SUGCT: variants seen among roughly 807,000 people sequenced by gnomAD.
The protein encoded by SUGCT is succinyl-CoA:glutarate-CoA transferase.
Under a neutral mutation model 55.0 loss-of-function variants are expected in SUGCT, and 41 were observed. The observed-to-expected ratio is 0.74, with a 90% CI of 0.58 to 0.97. SUGCT has a LOEUF of 0.97. Among genes scored for constraint, SUGCT ranks in the 50% least tolerant of loss-of-function variants. The pLI is 0.00. For missense variants in SUGCT, 568 were observed against 547.8 expected, an observed-to-expected ratio of 1.04 and a Z score of -0.37; for synonymous variants, 187 against 200.4, an observed-to-expected ratio of 0.93 and a Z score of 0.56.
At chr7:40,552,087 G>A (rs1041674889) in intron 12 of SUGCT, among the ~76,000 whole-genome samples, 1 of 152,098 alleles carries the variant, frequency 6.6e-6, no homozygotes, top group Admixed American at 6.5e-5. Flanking sequence ...CATTCCCCAC[G>A]TCACAGCACA....
rs190850366 is a variant in SUGCT at position 40,655,058 on chromosome 7, G to A, written c.1090-94376G>A. On this transcript the variant is annotated intron_variant, in intron 12 of 13. Coordinates refer to ENST00000335693, the MANE Select transcript of SUGCT (RefSeq NM_001193313.2). ...ATTATAGGCAATATCACTTTTGGAG[G>A]CTGAGGCGGGGCATCATTTGAGCTC... Among the ~76,000 whole-genome samples the A allele has an allele frequency of 1.0e-3, 157 of 152,248 alleles. 1 individual carries two copies. Among genetic ancestry groups the A allele is most frequent in the African/African-American group, 3.6e-3 (151 of 41,542 alleles).
chr7:40,751,997 CTTTAA>C (rs1485260813), intron 13 of SUGCT, among the ~76,000 whole-genome samples: 2 of 152,174 alleles, frequency 1.3e-5, no homozygotes, highest in East Asian at 1.9e-4. Flanking sequence ...CTTTTGCCCA[CTTTAA>C]TTTATCAATG....
rs189536443 is a variant in SUGCT at position 40,671,850 on chromosome 7, A to G, written c.1090-77584A>G. 1.8e-4 allele frequency among the ~76,000 whole-genome samples: 28 copies of G among 152,296 alleles called. No homozygotes were observed. The East Asian group carries it at 4.0e-3, about 22-fold the overall frequency. On this transcript the variant is annotated intron_variant, in intron 12 of 13. Coordinates refer to ENST00000335693, the MANE Select transcript of SUGCT (RefSeq NM_001193313.2). ...TAAACAAGCTTATTCTAAATGTTTTATTTAGAGGCAAAGGATCTAGTCCAG... is the reference window on the plus strand; with the variant it reads ...TAAACAAGCTTATTCTAAATGTTTTGTTTAGAGGCAAAGGATCTAGTCCAG...
At chr7:40,898,378 A>C in the SUGCT span, among the ~76,000 whole-genome samples, 5 of 151,362 alleles carry the variant, frequency 3.3e-5, no homozygotes, top group African/African-American at 9.7e-5. Flanking sequence ...CAAGAGCACG[A>C]ACCCACCAGA....
chr7:40,664,496 G>C (rs922604233), intron 12 of SUGCT, among the ~76,000 whole-genome samples: 6 of 152,106 alleles, frequency 3.9e-5, no homozygotes, highest in Admixed American at 1.3e-4. Flanking sequence ...CTCTGGAAAT[G>C]GATCCTAGGT....
At chr7:40,436,268 A>C (rs1233910863) in intron 9 of SUGCT, among the ~76,000 whole-genome samples, 1 of 151,738 alleles carries the variant, frequency 6.6e-6, no homozygotes, top group Non-Finnish European at 1.5e-5. Context: ...TACTGCACTT[A>C]CTCAAATTTT....
chr7:40,898,731 C>CG, the SUGCT span, among the ~76,000 whole-genome samples: 1 of 151,822 alleles, frequency 6.6e-6, no homozygotes, highest in Non-Finnish European at 1.5e-5. Flanking sequence ...CACGAGGGTA[C>CG]GCGGCTTCAT....
At chr7:40,532,657 T>C (rs939086741) in intron 12 of SUGCT, among the ~76,000 whole-genome samples, 2 of 151,834 alleles carry the variant, frequency 1.3e-5, no homozygotes, top group African/African-American at 2.4e-5. Context: ...CAAGCAAAAA[T>C]TTTTAGACAT....
intron 13 of SUGCT, among the ~76,000 whole-genome samples, chr7:40,777,491 T>C (rs1242303955): frequency 6.6e-6 from 1 of 152,134 alleles, no homozygotes; most frequent in Non-Finnish European, 1.5e-5. Flanking sequence ...TTGGGTCATC[T>C]TTTAATCTGA....
At chr7:40,680,775 G>A (rs553355508) in intron 12 of SUGCT, among the ~76,000 whole-genome samples, 21 of 152,238 alleles carry the variant, frequency 1.4e-4, no homozygotes, top group African/African-American at 4.8e-4. Flanking sequence ...ATGCAAATCA[G>A]GCATGTGTGG....
the SUGCT span, among the ~76,000 whole-genome samples, chr7:41,031,886 A>C: frequency 6.6e-6 from 1 of 151,686 alleles, no homozygotes; most frequent in East Asian, 1.9e-4. Context: ...TTACCTGATC[A>C]TGCATCCTCC....
downstream of SUGCT, among the ~76,000 whole-genome samples, chr7:40,863,632 A>T (rs559252923): frequency 6.6e-6 from 1 of 152,166 alleles, no homozygotes; most frequent in South Asian, 2.1e-4. Flanking sequence ...AAAAATGCAC[A>T]CCGTTGCCCT....
chr7:40,284,195 A>G (rs537051550), intron 8 of SUGCT, among the ~76,000 whole-genome samples: 15 of 152,172 alleles, frequency 9.9e-5, no homozygotes, highest in Non-Finnish European at 1.9e-4. Flanking sequence ...AGTTTCAGTT[A>G]GATGGGATGA....
intron 9 of SUGCT, among the ~76,000 whole-genome samples, chr7:40,321,398 A>G (rs1429815408): frequency 8.8e-6 from 1 of 113,906 alleles, no homozygotes; most frequent in Non-Finnish European, 1.8e-5. Flanking sequence ...ACTTTGTTTT[A>G]TTTTGACAGA....
At chr7:40,991,903 T>C in the SUGCT span, among the ~76,000 whole-genome samples, 1 of 151,806 alleles carries the variant, frequency 6.6e-6, no homozygotes. Context: ...GCAAGAACAG[T>C]GGTGAGGGGA....
At chr7:40,958,297 C>A in the SUGCT span, among the ~76,000 whole-genome samples, 3 of 152,048 alleles carry the variant, frequency 2.0e-5, no homozygotes, top group Non-Finnish European at 2.9e-5. Context: ...TTCAGGTACA[C>A]CAATTAAGCA....
intron 12 of SUGCT, among the ~76,000 whole-genome samples, chr7:40,664,979 C>CAAA (rs11344902): frequency 4.6e-5 from 5 of 109,408 alleles, no homozygotes; most frequent in Admixed American, 1.0e-4. Context: ...GACTCTGTCT[C>CAAA]AAAAAAAAAA....
At chr7:40,242,162 C>T (rs372984499) in intron 7 of SUGCT, among the ~76,000 whole-genome samples, 1 of 147,276 alleles carries the variant, frequency 6.8e-6, no homozygotes, top group South Asian at 2.2e-4. Context: ...TTGACAAACT[C>T]TTTTTTTTTC....
At chr7:40,644,178 C>T (rs1487945450) in intron 12 of SUGCT, among the ~76,000 whole-genome samples, 5 of 152,298 alleles carry the variant, frequency 3.3e-5, no homozygotes, top group Middle Eastern at 3.4e-3. Flanking sequence ...GCGGAGGTTT[C>T]CTGGGAGAAA....
Sources: allele counts gnomAD v4.1 joint callset (sites outside exome capture counted in the v4.1 genomes callset), GRCh38; gene constraint gnomAD v4.1.1; transcripts MANE v1.5; gene names NCBI Gene and HGNC (gene_info 2026-07-23, HGNC 2026-07-21).